IGSF10: variants seen among roughly 807,000 people sequenced by gnomAD.
The protein encoded by IGSF10 is immunoglobulin superfamily member 10.
A neutral mutation model predicts 128.2 loss-of-function variants in IGSF10; 126 were observed. That is an observed-to-expected ratio of 0.98 (90% CI 0.85 to 1.14). IGSF10 has a LOEUF of 1.14. Among genes scored for constraint, IGSF10 ranks in the 50% most tolerant of loss-of-function variants. The probability of loss-of-function intolerance (pLI) is 0.00; values close to 1 mark genes in which losing one functional copy is unlikely to be tolerated. For missense variants in IGSF10, 3,295 were observed against 3,149.8 expected (o/e 1.05, Z -1.10); for synonymous variants, 1,185 against 1,146.2 (o/e 1.03, Z -0.68).
chr3:151,530,743 C>T, the IGSF10 span, among the ~76,000 whole-genome samples: 5 of 152,324 alleles, frequency 3.3e-5, no homozygotes, highest in Admixed American at 2.0e-4. Context: ...ACAACCAGTA[C>T]TAGCCACTTC....
At chr3:151,461,994 G>A (rs570441623), upstream of IGSF10, among the ~76,000 whole-genome samples, 52 of 151,984 alleles carry the variant, frequency 3.4e-4, no homozygotes, top group African/African-American at 1.2e-3. Flanking sequence ...TCACAGAACC[G>A]GATTTAAATA....
chr3:151,503,453 G>A, the IGSF10 span, among the ~76,000 whole-genome samples: 124,467 of 152,022 alleles, frequency 0.82, 51,024 homozygotes, highest in Middle Eastern at 0.93. Context: ...ATTTCTAGAA[G>A]TAAAATATAC....
At chr3:151,542,801 T>C in the IGSF10 span, among the ~76,000 whole-genome samples, 1 of 152,194 alleles carries the variant, frequency 6.6e-6, no homozygotes, top group African/African-American at 2.4e-5. Flanking sequence ...CTGTTGATGA[T>C]TGTAATTTGT....
the IGSF10 span, among the ~76,000 whole-genome samples, chr3:151,570,433 G>C: frequency 2.0e-5 from 3 of 152,286 alleles, no homozygotes; most frequent in South Asian, 6.2e-4. Flanking sequence ...CATTCTAACC[G>C]GTGTGAGATG....
the IGSF10 span, among the ~76,000 whole-genome samples, chr3:151,524,215 G>T: frequency 6.6e-6 from 1 of 152,152 alleles, no homozygotes; most frequent in South Asian, 2.1e-4. Context: ...GTGGAAAGAA[G>T]CATAGTGATT....
Position 151,447,814 on chromosome 3 carries a change from C to T in IGSF10, c.2167G>A (p.Glu723Lys), listed in dbSNP as rs1721289238. The T allele has an allele frequency of 6.2e-7, 1 of 1,614,144 alleles. No homozygotes were observed. Among genetic ancestry groups the T allele is most frequent in the East Asian group, 2.2e-5 (1 of 44,876 alleles). The change falls in exon 6 of 8, where the codon GAA (glutamate) becomes AAA (lysine). Residue 723 changes from glutamate (E) to lysine (K), a missense_variant. Transcript: ENST00000282466. ...SSTSKRHNYR[E>K]LTLQRRGDST... is the part of the protein sequence containing the mutation. ...TCTCCACGTCGCTGGAGTGTTAATT[C>T]CCGATAGTTGTGCCTCTTACTTGTG...
At chr3:151,598,377 T>C in the IGSF10 span, among the ~76,000 whole-genome samples, 2 of 152,184 alleles carry the variant, frequency 1.3e-5, no homozygotes, top group Admixed American at 1.3e-4. Context: ...GAGAAAACTC[T>C]TGATTGTTTG....
chr3:151,553,524 T>A, the IGSF10 span, among the ~76,000 whole-genome samples: 1 of 152,028 alleles, frequency 6.6e-6, no homozygotes, highest in Admixed American at 6.6e-5. Flanking sequence ...TTATGACAAA[T>A]CACTATCACA....
intron 7 of IGSF10, 109 bp downstream of exon 7, chr3:151,442,875 T>G (rs1720941353): frequency 5.7e-6 from 5 of 877,480 alleles, no homozygotes; most frequent in Non-Finnish European, 8.5e-6. Flanking sequence ...CCAAAGTCTA[T>G]GTGTACTCTA....
Position 151,437,090 on chromosome 3 carries a change from A to C in IGSF10, c.7471T>G (p.Leu2491Val), listed in dbSNP as rs763307380. ...GKYILHDNGT[L>V]VIKEATAYDR... ...TAAGCTGTTGCTTCTTTAATGACTA[A>C]GGTGCCATTGTCATGCAATATGTAT... Residue 2491 changes from leucine (L) to valine (V), a missense_variant, in exon 8 of 8, where the codon TTA becomes GTA. Coordinates refer to ENST00000282466, the MANE Select transcript of IGSF10 (RefSeq NM_178822.5). The C allele has an allele frequency of 2.5e-6, 4 of 1,614,224 alleles. No homozygotes were observed. In the South Asian group the frequency reaches 4.4e-5, roughly 18 times the overall value.
At chr3:151,523,017 CCAA>C in the IGSF10 span, among the ~76,000 whole-genome samples, 212 of 152,230 alleles carry the variant, frequency 1.4e-3, no homozygotes, top group Middle Eastern at 0.014. Flanking sequence ...TTCCTATATA[CCAA>C]CAACAGCCAA....
At chr3:151,556,804 T>TC in the IGSF10 span, among the ~76,000 whole-genome samples, 3 of 152,132 alleles carry the variant, frequency 2.0e-5, no homozygotes, top group African/African-American at 7.2e-5. Flanking sequence ...GTTCCTGTTT[T>TC]CATAGAAGTC....
chr3:151,477,074 T>C, the IGSF10 span, among the ~76,000 whole-genome samples: 1 of 152,198 alleles, frequency 6.6e-6, no homozygotes, highest in Admixed American at 6.5e-5. Context: ...GTACTAACGT[T>C]GGTTGTAAGA....
At chr3:151,456,895 T>A (rs1411287337) in intron 4 of IGSF10, 131 bp downstream of exon 4, 1 of 869,170 alleles carries the variant, frequency 1.2e-6, no homozygotes, top group Non-Finnish European at 1.8e-6. Flanking sequence ...GTTAACATTC[T>A]CCATTGACGT....
At chr3:151,541,003 AG>A in the IGSF10 span, among the ~76,000 whole-genome samples, 624 of 152,308 alleles carry the variant, frequency 4.1e-3, 18 homozygotes, top group East Asian at 0.076. Context: ...ACAACTGCAG[AG>A]GGGAGACATC....
chr3:151,480,013 A>G, the IGSF10 span, among the ~76,000 whole-genome samples: 1 of 152,028 alleles, frequency 6.6e-6, no homozygotes, highest in East Asian at 1.9e-4. Context: ...ACATCTATTC[A>G]GGAGTGCATA....
chr3:151,489,216 A>T, the IGSF10 span, among the ~76,000 whole-genome samples: 1 of 152,222 alleles, frequency 6.6e-6, no homozygotes, highest in Non-Finnish European at 1.5e-5. Flanking sequence ...CAACAAATAT[A>T]TGAAAAAAAG....
the IGSF10 span, among the ~76,000 whole-genome samples, chr3:151,604,042 T>C: frequency 2.6e-5 from 4 of 152,240 alleles, no homozygotes; most frequent in African/African-American, 4.8e-5. Context: ...AAATATTTGT[T>C]ACATAATTAG....
chr3:151,443,540 C>T lies in IGSF10; in HGVS notation c.5407G>A (p.Gly1803Arg), dbSNP rs1352986144. Reference protein sequence around the residue: ...GSRQAVVTVDGTLVLHNLSIY... With the variant: ...GSRQAVVTVDRTLVLHNLSIY... ...CTGAGATTGTGGAGGACCAATGTTC[C>T]GTCAACCGTCACCACAGCCTGCCTA... The change falls in exon 7 of 8, where the codon GGA (glycine) becomes AGA (arginine). Residue 1803 changes from glycine to arginine, a missense_variant. Physicochemically the swap from Gly to Arg is moderately radical, Grantham distance 125. Coordinates refer to ENST00000282466, the MANE Select transcript of IGSF10 (RefSeq NM_178822.5). The T allele has an allele frequency of 2.0e-5, 33 of 1,614,066 alleles. No homozygotes were observed. The highest frequency in any genetic ancestry group is 6.7e-5 in the Admixed American group (4 of 60,012).
Sources: gnomAD v4.1 joint callset for allele counts (sites outside exome capture counted in the v4.1 genomes callset) on GRCh38, gnomAD v4.1.1 for gene constraint, MANE v1.5 for transcripts, NCBI Gene and HGNC (gene_info 2026-07-23, HGNC 2026-07-21) for gene names.